Variants in CSMD1 observed in about 807,000 individuals in gnomAD.
The protein encoded by CSMD1 is CUB and Sushi multiple domains 1.
A neutral mutation model predicts 417.5 loss-of-function variants in CSMD1; 213 were observed. The observed-to-expected ratio is 0.51, with a 90% CI of 0.46 to 0.57. The LOEUF (loss-of-function observed/expected upper bound fraction) is 0.57. Ranked by LOEUF, CSMD1 falls within the 20% of genes least tolerant of loss-of-function variation. The pLI, the probability that CSMD1 is intolerant of heterozygous loss-of-function variation, is 0.00. For synonymous variants in CSMD1, 2,862 were observed against 1,736.8 expected (o/e 1.65, Z -16.11); for missense variants, 6,923 against 4,529.7 (o/e 1.53, Z -15.17).
rs1243613334 is a variant in CSMD1 at position 3,940,494 on chromosome 8, CCT to C, written c.818+57407_818+57408del. On this transcript the variant is annotated intron_variant, in intron 5 of 69. Coordinates refer to ENST00000635120, the MANE Select transcript of CSMD1 (RefSeq NM_033225.6). ...ATATTCAGTAAAATTTAAATTATTT[CCT>C]CTGTGTGTGTGTGTGTGTGTGTGTG... is the stretch of plus-strand genomic sequence containing the variant. 5.9e-5 allele frequency among the ~76,000 whole-genome samples: 6 copies of C among 102,150 alleles called. No homozygotes were observed. In the East Asian group the frequency reaches 9.7e-4, roughly 17 times the overall value. The allele number at this position is 102,150 out of a possible 152,430, so 67.0% of individuals were successfully genotyped here.
chr8:3,618,776 T>C (rs1471379631), intron 7 of CSMD1, among the ~76,000 whole-genome samples: 2 of 152,332 alleles, frequency 1.3e-5, no homozygotes, highest in East Asian at 1.9e-4. Context: ...AATAGGACTA[T>C]ATTTCATGAT....
At chr8:4,493,598 G>A (rs2130232337) in intron 2 of CSMD1, among the ~76,000 whole-genome samples, 1 of 152,280 alleles carries the variant, frequency 6.6e-6, no homozygotes, top group East Asian at 1.9e-4. Context: ...TACTAGCTGA[G>A]GTGGGGAGAT....
At chr8:4,344,183 G>T (rs1298917844) in intron 3 of CSMD1, among the ~76,000 whole-genome samples, 1 of 152,070 alleles carries the variant, frequency 6.6e-6, no homozygotes, top group South Asian at 2.1e-4. Context: ...TATATTTTCA[G>T]ATTTCTCTGT....
intron 2 of CSMD1, among the ~76,000 whole-genome samples, chr8:4,552,145 C>T (rs970710824): frequency 2.0e-5 from 3 of 152,156 alleles, no homozygotes; most frequent in Non-Finnish European, 2.9e-5. Flanking sequence ...ATCTAACATG[C>T]ATTGGGATTT....
At chr8:3,410,999 C>A (rs1254284061) in intron 12 of CSMD1, among the ~76,000 whole-genome samples, 1 of 152,224 alleles carries the variant, frequency 6.6e-6, no homozygotes, top group Middle Eastern at 3.4e-3. Context: ...AGATGTGATC[C>A]CAGTGTGCCG....
intron 46 of CSMD1, among the ~76,000 whole-genome samples, chr8:3,097,277 A>C (rs571563895): frequency 1.8e-4 from 27 of 152,284 alleles, no homozygotes; most frequent in African/African-American, 6.0e-4. Context: ...TGGCCCCTGC[A>C]TCTCCCACAC....
At chr8:3,860,392 G>A (rs774461673) in intron 5 of CSMD1, among the ~76,000 whole-genome samples, 1 of 152,062 alleles carries the variant, frequency 6.6e-6, no homozygotes, top group East Asian at 1.9e-4. Context: ...AAAATCATCA[G>A]TCAAAATGGA....
chr8:3,526,219 T>C (rs1246605889), intron 10 of CSMD1, among the ~76,000 whole-genome samples: 1 of 152,166 alleles, frequency 6.6e-6, no homozygotes, highest in Non-Finnish European at 1.5e-5. Context: ...CTACATCGTT[T>C]TTCCTTCCTG....
intron 3 of CSMD1, among the ~76,000 whole-genome samples, chr8:4,052,505 C>T (rs562588435): frequency 6.6e-6 from 1 of 152,108 alleles, no homozygotes; most frequent in Non-Finnish European, 1.5e-5. Flanking sequence ...AGTGGGAGAT[C>T]AGCATCTCCA....
At chr8:3,224,553 T>G (rs1294828191) in intron 27 of CSMD1, among the ~76,000 whole-genome samples, 1 of 152,202 alleles carries the variant, frequency 6.6e-6, no homozygotes, top group Non-Finnish European at 1.5e-5. Flanking sequence ...GAGCTCTAAG[T>G]ATACATATCA....
intron 38 of CSMD1, among the ~76,000 whole-genome samples, chr8:3,161,029 G>A (rs1036878600): frequency 2.0e-5 from 3 of 152,152 alleles, no homozygotes; most frequent in African/African-American, 7.2e-5. Context: ...AAACCTATCA[G>A]TGTCAGTGTC....
At position 3,140,960 on chromosome 8, in the gene CSMD1, T is replaced by C. The variant is rs1052393399; in HGVS notation, c.6241+1505A>G. On this transcript the variant is annotated intron_variant, in intron 41 of 69. Transcript: ENST00000635120. ...CTCTTTTTGTGGTGAAAGTTGAACA[T>C]GAACAATGCAGGTACCCATTATCTG... Among the ~76,000 whole-genome samples the C allele has an allele frequency of 2.6e-5, 4 of 152,162 alleles. No homozygotes were observed. In the East Asian group the frequency reaches 5.8e-4, roughly 22 times the overall value.
chr8:4,651,707 C>T (rs774080180), intron 1 of CSMD1, among the ~76,000 whole-genome samples: 1 of 152,160 alleles, frequency 6.6e-6, no homozygotes, highest in Non-Finnish European at 1.5e-5. Flanking sequence ...ATTATTTCAA[C>T]ATGACACTCT....
At chr8:4,587,797 G>A (rs1273996832) in intron 2 of CSMD1, among the ~76,000 whole-genome samples, 2 of 152,192 alleles carry the variant, frequency 1.3e-5, no homozygotes, top group Non-Finnish European at 1.5e-5. Context: ...ATGAACTTGT[G>A]GGTACCATTT....
At chr8:4,803,425 T>C (rs1798418314) in intron 1 of CSMD1, among the ~76,000 whole-genome samples, 1 of 152,314 alleles carries the variant, frequency 6.6e-6, no homozygotes, top group South Asian at 2.1e-4. Flanking sequence ...TTGTCTCTTG[T>C]CTCTTTTATA....
chr8:4,936,653 G>A (rs561331860), intron 1 of CSMD1, among the ~76,000 whole-genome samples: 2 of 152,138 alleles, frequency 1.3e-5, no homozygotes, highest in Non-Finnish European at 2.9e-5. Context: ...TCAAGAGCTA[G>A]TTATGGACAT....
chr8:3,714,360 T>C (rs904189221), intron 6 of CSMD1, among the ~76,000 whole-genome samples: 1 of 150,812 alleles, frequency 6.6e-6, no homozygotes, highest in Non-Finnish European at 1.5e-5. Flanking sequence ...TTTCTTTTTA[T>C]AGTATCACAG....
chr8:4,332,135 G>A (rs571329517), intron 3 of CSMD1, among the ~76,000 whole-genome samples: 1 of 152,218 alleles, frequency 6.6e-6, no homozygotes, highest in East Asian at 1.9e-4. Context: ...AAGTTGTGAT[G>A]AAAATGTCAA....
chr8:4,477,543 C>T (rs1298540632), intron 2 of CSMD1, among the ~76,000 whole-genome samples: 5 of 152,226 alleles, frequency 3.3e-5, no homozygotes, highest in African/African-American at 9.6e-5. Flanking sequence ...CTCTATGACA[C>T]ACACAGTTTA....
Sources: allele counts gnomAD v4.1 joint callset (sites outside exome capture counted in the v4.1 genomes callset), GRCh38; gene constraint gnomAD v4.1.1; transcripts MANE v1.5; gene names NCBI Gene and HGNC (gene_info 2026-07-23, HGNC 2026-07-21).